The following RARB variants were observed in gnomAD, a reference collection of about 807,000 sequenced individuals.
RARB encodes retinoic acid receptor beta, also known as HBV-activated protein.
RARB carries 17 observed loss-of-function variants against 51.9 expected under a neutral mutation model. The observed-to-expected ratio is 0.33, with a 90% CI of 0.22 to 0.49. The LOEUF (loss-of-function observed/expected upper bound fraction) is 0.49, where lower values mean the gene tolerates loss of function less well. RARB is among the 20% of genes least tolerant of loss of function. The probability of loss-of-function intolerance (pLI) is 0.99; values close to 1 mark genes in which losing one functional copy is unlikely to be tolerated. For synonymous variants in RARB, 215 were observed against 195.4 expected (o/e 1.10, Z -0.84); for missense variants, 369 against 550.8 (o/e 0.67, Z 3.30).
At chr3:25,423,379 AT>A (rs558096511), upstream of RARB, among the ~76,000 whole-genome samples, 79 of 152,340 alleles carry the variant, frequency 5.2e-4, no homozygotes, top group African/African-American at 1.8e-3. Flanking sequence ...ATTCTAACTT[AT>A]TTTTTAAATG....
At chr3:25,157,675 G>A (rs1015919798) in intron 4 of RARB, among the ~76,000 whole-genome samples, 16 of 152,190 alleles carry the variant, frequency 1.1e-4, no homozygotes, top group Non-Finnish European at 1.5e-4. Flanking sequence ...GGGATTACAG[G>A]TGGAAGCCAC....
At chr3:25,044,691 T>C (rs931478169) in intron 2 of RARB, among the ~76,000 whole-genome samples, 9 of 152,224 alleles carry the variant, frequency 5.9e-5, no homozygotes, top group African/African-American at 1.4e-4. Context: ...ATGGAAGATA[T>C]TCAACTTTTT....
intron 4 of RARB, among the ~76,000 whole-genome samples, chr3:25,133,904 T>A (rs892187744): frequency 6.6e-6 from 1 of 150,858 alleles, no homozygotes; most frequent in South Asian, 2.1e-4. Flanking sequence ...TAATTAAATA[T>A]TACAGTCCTG....
chr3:25,589,691 T>A (rs529938434), intron 5 of RARB, among the ~76,000 whole-genome samples: 12 of 152,302 alleles, frequency 7.9e-5, no homozygotes, highest in Non-Finnish European at 1.2e-4. Context: ...GATGCACAGT[T>A]GTCTTTGCTG....
At chr3:25,152,646 TA>T (rs1700306084) in intron 4 of RARB, among the ~76,000 whole-genome samples, 2 of 152,166 alleles carry the variant, frequency 1.3e-5, no homozygotes, top group African/African-American at 4.8e-5. Context: ...CATACATACA[TA>T]CACAGTAATA....
intron 5 of RARB, among the ~76,000 whole-genome samples, chr3:25,294,455 T>C (rs1703867729): frequency 6.6e-6 from 1 of 151,830 alleles, no homozygotes; most frequent in African/African-American, 2.4e-5. Context: ...ATATGGGGAG[T>C]TGGTCATACA....
At chr3:25,266,830 CAGG>C (rs1271960306) in intron 5 of RARB, among the ~76,000 whole-genome samples, 1 of 152,190 alleles carries the variant, frequency 6.6e-6, no homozygotes, top group East Asian at 1.9e-4. Flanking sequence ...CTCTGCAAGC[CAGG>C]AGAAGAGCCT....
At chr3:24,909,380 A>T (rs538243899) in intron 2 of RARB, among the ~76,000 whole-genome samples, 5 of 152,216 alleles carry the variant, frequency 3.3e-5, no homozygotes, top group East Asian at 1.9e-4. Flanking sequence ...AAATATGGGG[A>T]TCATCTTGGT....
chr3:24,975,437 T>C (rs1408042398), intron 2 of RARB, among the ~76,000 whole-genome samples: 1 of 152,300 alleles, frequency 6.6e-6, no homozygotes, highest in East Asian at 1.9e-4. Flanking sequence ...TTCAAAGAGC[T>C]TACATTCTAA....
At chr3:25,395,942 C>A (rs1478090891) in intron 5 of RARB, among the ~76,000 whole-genome samples, 1 of 152,134 alleles carries the variant, frequency 6.6e-6, no homozygotes, top group Non-Finnish European at 1.5e-5. Context: ...CTTGTTTTGT[C>A]ATATCACCAG....
At chr3:25,166,682 C>T (rs1422759238) in intron 4 of RARB, among the ~76,000 whole-genome samples, 1 of 152,112 alleles carries the variant, frequency 6.6e-6, no homozygotes, top group Non-Finnish European at 1.5e-5. Context: ...ACGTTTTCTC[C>T]AAAAATCTTG....
chr3:25,204,362 G>A (rs1180337372), intron 5 of RARB, among the ~76,000 whole-genome samples: 1 of 152,104 alleles, frequency 6.6e-6, no homozygotes, highest in Admixed American at 6.6e-5. Context: ...TCTTTGCCAC[G>A]AGTTTGAACT....
intron 2 of RARB, among the ~76,000 whole-genome samples, chr3:24,928,143 G>A (rs1169634181): frequency 6.6e-6 from 1 of 151,836 alleles, no homozygotes; most frequent in Non-Finnish European, 1.5e-5. Context: ...GGTCTAAGTG[G>A]GTTTATGCCA....
chr3:24,916,220 AAT>A (rs1362914731), intron 2 of RARB, among the ~76,000 whole-genome samples: 1 of 151,980 alleles, frequency 6.6e-6, no homozygotes, highest in Non-Finnish European at 1.5e-5. Context: ...TTTTGAGGGA[AAT>A]ATATATCATT....
chr3:25,132,085 A>G (rs1699962000), intron 3 of RARB, among the ~76,000 whole-genome samples: 1 of 151,934 alleles, frequency 6.6e-6, no homozygotes, highest in Non-Finnish European at 1.5e-5. Flanking sequence ...ACATTACACC[A>G]TATTGTAAAA....
At chr3:25,177,395 A>G (rs1575198559) in intron 5 of RARB, among the ~76,000 whole-genome samples, 1 of 152,208 alleles carries the variant, frequency 6.6e-6, no homozygotes, top group East Asian at 1.9e-4. Context: ...CTTGGGTGGA[A>G]AAGCTGACCA....
rs113152758 is a variant in RARB at position 25,332,963 on chromosome 3, G to A, written c.179-128230G>A. On this transcript the variant is annotated intron_variant, in intron 5 of 11. Coordinates refer to the RARB transcript ENST00000383772. ...AGAATAAAATACCTAGGAATCCAAC[G>A]TACAAGGGATGTGAAGGACCTATTC... 5.7e-3 allele frequency among the ~76,000 whole-genome samples: 868 copies of A among 152,042 alleles called. 5 individuals are homozygous for A. The highest frequency in any genetic ancestry group is 0.018 in the African/African-American group (743 of 41,470).
At chr3:25,182,025 C>T (rs2125357883) in intron 5 of RARB, among the ~76,000 whole-genome samples, 1 of 152,292 alleles carries the variant, frequency 6.6e-6, no homozygotes, top group Middle Eastern at 3.4e-3. Flanking sequence ...TTTTTCTATT[C>T]ATCCTTGGTA....
intron 3 of RARB, among the ~76,000 whole-genome samples, chr3:25,063,575 G>C (rs1045881000): frequency 7.9e-5 from 12 of 152,016 alleles, no homozygotes; most frequent in African/African-American, 2.9e-4. Flanking sequence ...AAATAAATGT[G>C]AGTGAAAAAT....
Sources: allele counts gnomAD v4.1 joint callset (sites outside exome capture counted in the v4.1 genomes callset), GRCh38; gene constraint gnomAD v4.1.1; transcripts MANE v1.5; gene names NCBI Gene and HGNC (gene_info 2026-07-23, HGNC 2026-07-21).